The following CEP112 variants were observed in gnomAD, a reference collection of about 807,000 sequenced individuals.
The protein encoded by CEP112 is centrosomal protein of 112 kDa.
In CEP112, 127 loss-of-function variants were observed where a neutral mutation model predicts 153.0. The ratio of observed to expected loss-of-function variants is 0.83; its 90% confidence interval spans 0.72 to 0.96. The LOEUF (loss-of-function observed/expected upper bound fraction) is 0.96, where lower values mean the gene tolerates loss of function less well. Among genes scored for constraint, CEP112 ranks in the 40% least tolerant of loss-of-function variants. CEP112 has a pLI of 0.00. For missense variants in CEP112, 1,089 were observed against 1,101.2 expected (o/e 0.99, Z 0.16); for synonymous variants, 358 against 374.4 (o/e 0.96, Z 0.51).
At chr17:65,801,187 T>G (rs755621723) in intron 21 of CEP112, among the ~76,000 whole-genome samples, 1 of 152,130 alleles carries the variant, frequency 6.6e-6, no homozygotes, top group Non-Finnish European at 1.5e-5. Context: ...GCTTCCTGAG[T>G]GGCTGGGACT....
intron 18 of CEP112, among the ~76,000 whole-genome samples, chr17:65,953,361 G>A (rs536608216): frequency 4.2e-4 from 64 of 152,308 alleles, no homozygotes; most frequent in African/African-American, 1.4e-3. Context: ...GCTCCTCTCC[G>A]ATGGCCAGAG....
At position 65,768,052 on chromosome 17, in the gene CEP112, C is replaced by A. The variant is rs530823983; in HGVS notation, c.2395-17328G>T. On this transcript the variant is annotated intron_variant, in intron 21 of 26. Transcript: ENST00000535342. Reference sequence around the variant, plus strand: ...GGAGGTTAGTGGTGCTGACCACCCCCCAAATGCAGTCAAAAATCTGCATGT... The same window carrying A: ...GGAGGTTAGTGGTGCTGACCACCCCACAAATGCAGTCAAAAATCTGCATGT... Among the ~76,000 whole-genome samples, 30 of 152,166 alleles carry A rather than the reference C, an allele frequency of 2.0e-4. 1 individual carries two copies. In the South Asian group the frequency reaches 5.4e-3, roughly 27 times the overall value.
chr17:65,988,078 C>G (rs1428290052), intron 17 of CEP112, among the ~76,000 whole-genome samples: 1 of 152,100 alleles, frequency 6.6e-6, no homozygotes, highest in Non-Finnish European at 1.5e-5. Context: ...GCCCAGGTCC[C>G]CTAGGCACAA....
At chr17:66,162,649 G>A in intron 4 of CEP112, among the ~76,000 whole-genome samples, 1 of 152,220 alleles carries the variant, frequency 6.6e-6, no homozygotes, top group African/African-American at 2.4e-5. Flanking sequence ...TTGAGCAAAA[G>A]AAGACAGAAA....
intron 24 of CEP112, among the ~76,000 whole-genome samples, chr17:65,679,169 T>TC (rs2047391142): frequency 8.6e-6 from 1 of 116,372 alleles, no homozygotes; most frequent in African/African-American, 3.8e-5. Flanking sequence ...TTTTTTTTTT[T>TC]TTCAGAAAAC....
intron 8 of CEP112, among the ~76,000 whole-genome samples, chr17:66,087,529 G>GT (rs1389747891): frequency 1.3e-5 from 2 of 152,190 alleles, no homozygotes; most frequent in Non-Finnish European, 2.9e-5. Flanking sequence ...AACAGTTTTT[G>GT]TAACACCAGG....
intron 23 of CEP112, among the ~76,000 whole-genome samples, chr17:65,701,114 T>C (rs1305146757): frequency 6.6e-6 from 1 of 152,134 alleles, no homozygotes; most frequent in Non-Finnish European, 1.5e-5. Flanking sequence ...TAGGAGGCCA[T>C]GTAGTATCAC....
At chr17:65,691,338 T>C (rs2048096747) in intron 23 of CEP112, among the ~76,000 whole-genome samples, 1 of 152,174 alleles carries the variant, frequency 6.6e-6, no homozygotes, top group Non-Finnish European at 1.5e-5. Context: ...TTCTTAACCT[T>C]TTGGGAGGTT....
At chr17:65,656,782 G>T (rs2046084224) in intron 24 of CEP112, among the ~76,000 whole-genome samples, 1 of 152,184 alleles carries the variant, frequency 6.6e-6, no homozygotes, top group African/African-American at 2.4e-5. Context: ...CATTTAGCAT[G>T]GTGCCTGGCA....
chr17:66,179,238 T>C (rs2072615915), intron 2 of CEP112, among the ~76,000 whole-genome samples: 1 of 152,180 alleles, frequency 6.6e-6, no homozygotes. Flanking sequence ...AGAATGTCAT[T>C]GGTATTTTGA....
intron 6 of CEP112, 94 bp downstream of exon 6, chr17:66,129,652 T>C: frequency 1.1e-6 from 1 of 875,094 alleles, no homozygotes. Context: ...ACATCCAACG[T>C]TCACTGAATA....
intron 8 of CEP112, among the ~76,000 whole-genome samples, chr17:66,084,586 A>G (rs1353598633): frequency 1.3e-5 from 2 of 152,166 alleles, no homozygotes; most frequent in African/African-American, 4.8e-5. Context: ...ATATGTTCTC[A>G]CTTATTTGTG....
At chr17:66,075,380 G>T (rs1243676780) in intron 8 of CEP112, among the ~76,000 whole-genome samples, 2 of 151,964 alleles carry the variant, frequency 1.3e-5, no homozygotes, top group African/African-American at 4.8e-5. Flanking sequence ...ACTTTGATAT[G>T]GTAAGGATGC....
At chr17:65,742,315 T>C (rs2051185395) in intron 23 of CEP112, among the ~76,000 whole-genome samples, 1 of 152,228 alleles carries the variant, frequency 6.6e-6, no homozygotes, top group Non-Finnish European at 1.5e-5. Context: ...CTAAAGTCGC[T>C]GAAAAATAAT....
At chr17:66,038,394 A>G (rs4471716) in intron 12 of CEP112, among the ~76,000 whole-genome samples, 78,311 of 144,946 alleles carry the variant, frequency 0.54, 21,085 homozygotes, top group African/African-American at 0.63. Flanking sequence ...CTAATGTTCT[A>G]CACACAATTT....
intron 18 of CEP112, among the ~76,000 whole-genome samples, chr17:65,938,981 G>A (rs1390568412): frequency 6.6e-6 from 1 of 151,768 alleles, no homozygotes; most frequent in Non-Finnish European, 1.5e-5. Flanking sequence ...CCAACTAATT[G>A]TTGTATTTTT....
At chr17:66,108,534 A>G (rs1215094121) in intron 6 of CEP112, among the ~76,000 whole-genome samples, 1 of 152,250 alleles carries the variant, frequency 6.6e-6, no homozygotes, top group African/African-American at 2.4e-5. Context: ...ACTGATCATC[A>G]GATAAATGCA....
intron 21 of CEP112, among the ~76,000 whole-genome samples, chr17:65,847,307 G>T (rs1436113467): frequency 1.3e-5 from 2 of 152,052 alleles, no homozygotes; most frequent in African/African-American, 4.8e-5. Context: ...CCAGATGCAG[G>T]ATACCCATGC....
chr17:65,993,479 A>C (rs1376933319), intron 17 of CEP112, among the ~76,000 whole-genome samples: 1 of 152,208 alleles, frequency 6.6e-6, no homozygotes, highest in Non-Finnish European at 1.5e-5. Context: ...AAAACATAAA[A>C]GCATGATGAA....
Sources: gnomAD v4.1 joint callset for allele counts (sites outside exome capture counted in the v4.1 genomes callset) on GRCh38, gnomAD v4.1.1 for gene constraint, MANE v1.5 for transcripts, NCBI Gene and HGNC (gene_info 2026-07-23, HGNC 2026-07-21) for gene names.